CTNNA1: variants seen among roughly 807,000 people sequenced by gnomAD.
The protein encoded by CTNNA1 is catenin alpha-1.
A neutral mutation model predicts 98.4 loss-of-function variants in CTNNA1; 37 were observed. That is an observed-to-expected ratio of 0.38 (90% CI 0.29 to 0.49). The LOEUF (loss-of-function observed/expected upper bound fraction) is 0.49, where lower values mean the gene tolerates loss of function less well. Among genes scored for constraint, CTNNA1 ranks in the 20% least tolerant of loss-of-function variants. CTNNA1 has a pLI of 0.95. For synonymous variants in CTNNA1, 404 were observed against 413.2 expected (o/e 0.98, Z 0.27); for missense variants, 761 against 1,147.2 (o/e 0.66, Z 4.86).
intron 7 of CTNNA1, among the ~76,000 whole-genome samples, chr5:138,847,460 A>T (rs1473137625): frequency 6.6e-6 from 1 of 152,160 alleles, no homozygotes; most frequent in African/African-American, 2.4e-5. Flanking sequence ...TGGCAGGCCG[A>T]TGTCATAATT....
chr5:138,824,880 G>C, intron 6 of CTNNA1, 81 bp downstream of exon 6: 1 of 1,328,642 alleles, frequency 7.5e-7, no homozygotes, highest in African/African-American at 1.5e-5. Flanking sequence ...AGTGATCAAG[G>C]CTTCTGATGA....
At chr5:138,900,240 GGGGCACA>G (rs1193994360) in intron 9 of CTNNA1, among the ~76,000 whole-genome samples, 1 of 152,178 alleles carries the variant, frequency 6.6e-6, no homozygotes, top group African/African-American at 2.4e-5. Flanking sequence ...GCTTGGCCCA[GGGGCACA>G]GGGGAAGAGA....
chr5:138,883,618 C>T (rs888526565), intron 7 of CTNNA1, among the ~76,000 whole-genome samples: 8 of 152,112 alleles, frequency 5.3e-5, no homozygotes, highest in African/African-American at 1.7e-4. Flanking sequence ...AATTCCTGGG[C>T]ATTTCAGGTT....
At chr5:138,756,211 G>A (rs1029770385) in intron 1 of CTNNA1, among the ~76,000 whole-genome samples, 15 of 151,504 alleles carry the variant, frequency 9.9e-5, no homozygotes, top group African/African-American at 3.6e-4. Flanking sequence ...TAATTTTTTT[G>A]TATTTTTGAT....
intron 10 of CTNNA1, among the ~76,000 whole-genome samples, chr5:138,907,258 G>A (rs1338660326): frequency 6.6e-6 from 1 of 152,220 alleles, no homozygotes; most frequent in Non-Finnish European, 1.5e-5. Context: ...CTGGCCTCAA[G>A]TGATGCCTGC....
intron 6 of CTNNA1, among the ~76,000 whole-genome samples, chr5:138,825,663 C>T (rs1760641619): frequency 6.6e-6 from 1 of 151,066 alleles, no homozygotes; most frequent in Admixed American, 6.6e-5. Context: ...TAAGTTTTTC[C>T]TTGCCTTTAC....
Position 138,924,638 on chromosome 5 carries a change from G to A in CTNNA1, c.1675G>A (p.Glu559Lys). Residue 559 changes from glutamate (E) to lysine (K), a missense_variant, in exon 12 of 18, where the codon GAG becomes AAG. This residue lies in a region of CTNNA1 where 287 missense variants were observed against 436.0 expected (regional missense o/e 0.66). Coordinates refer to ENST00000302763, the MANE Select transcript of CTNNA1 (RefSeq NM_001903.5). ...AARVIHVVTSEMDNYEPGVYT... is the reference protein window; with the variant it reads ...AARVIHVVTSKMDNYEPGVYT... ...CCGGGTCATTCACGTAGTCACCTCA[G>A]AGATGGACAACTATGAGCCAGGAGT... 2 of 1,612,262 alleles carry A rather than the reference G, an allele frequency of 1.2e-6. No individual in the cohort carries two copies. The highest frequency in any genetic ancestry group is 1.7e-6 in the Non-Finnish European group (2 of 1,179,238).
intron 3 of CTNNA1, among the ~76,000 whole-genome samples, chr5:138,787,291 G>A (rs1192163721): frequency 6.6e-5 from 10 of 152,168 alleles, no homozygotes; most frequent in South Asian, 2.1e-4. Context: ...TTAGCCGGGC[G>A]TGTTGGTGGG....
chr5:138,905,309 G>C (rs1403755857), intron 10 of CTNNA1, among the ~76,000 whole-genome samples: 2 of 152,052 alleles, frequency 1.3e-5, no homozygotes, highest in Admixed American at 6.6e-5. Context: ...AGGAAGGTAT[G>C]GTGCCTTCCA....
At chr5:138,808,147 T>C (rs933037291) in intron 3 of CTNNA1, among the ~76,000 whole-genome samples, 1 of 152,196 alleles carries the variant, frequency 6.6e-6, no homozygotes. Flanking sequence ...TCAGCGTATT[T>C]CCAGAGCACC....
chr5:138,928,465 C>A (rs910060804), intron 13 of CTNNA1, among the ~76,000 whole-genome samples: 1 of 152,146 alleles, frequency 6.6e-6, no homozygotes, highest in Non-Finnish European at 1.5e-5. Context: ...GCCTTGGTAC[C>A]CTAACAGAAG....
intron 10 of CTNNA1, among the ~76,000 whole-genome samples, chr5:138,910,091 T>C (rs1760217185): frequency 6.6e-6 from 1 of 152,156 alleles, no homozygotes; most frequent in Non-Finnish European, 1.5e-5. Flanking sequence ...ATCTCTACCC[T>C]TCTGTGCCTC....
intron 5 of CTNNA1, among the ~76,000 whole-genome samples, chr5:138,821,080 G>T (rs756871382): frequency 6.6e-6 from 1 of 152,212 alleles, no homozygotes; most frequent in Non-Finnish European, 1.5e-5. Context: ...CCACTTTGCT[G>T]TACTGGAATT....
intron 1 of CTNNA1, among the ~76,000 whole-genome samples, chr5:138,768,701 C>T (rs1056822962): frequency 6.6e-6 from 1 of 151,660 alleles, no homozygotes; most frequent in Admixed American, 6.6e-5. Flanking sequence ...TGAGCCTTCC[C>T]AGTAGCTGGG....
chr5:138,792,707 A>G (rs1230606196), intron 3 of CTNNA1, among the ~76,000 whole-genome samples: 1 of 152,208 alleles, frequency 6.6e-6, no homozygotes, highest in African/African-American at 2.4e-5. Flanking sequence ...TTAATTTTTC[A>G]CAAGAGAAAA....
chr5:138,768,824 G>C (rs1224721426), intron 1 of CTNNA1, among the ~76,000 whole-genome samples: 1 of 152,022 alleles, frequency 6.6e-6, no homozygotes, highest in Non-Finnish European at 1.5e-5. Flanking sequence ...TGGTTAAGTA[G>C]CATCTTCCAG....
At chr5:138,827,755 A>G in intron 7 of CTNNA1, 37 bp downstream of exon 7, 2 of 1,609,970 alleles carry the variant, frequency 1.2e-6, no homozygotes, top group East Asian at 2.2e-5. Context: ...TAAGATATTT[A>G]TGGATGAGGA....
chr5:138,883,823 T>A (rs754397477), intron 7 of CTNNA1, among the ~76,000 whole-genome samples: 1 of 152,234 alleles, frequency 6.6e-6, no homozygotes, highest in Non-Finnish European at 1.5e-5. Context: ...GCTGAGACTT[T>A]CCTGATTAAA....
At chr5:138,923,099 A>G (rs1017592713) in intron 11 of CTNNA1, among the ~76,000 whole-genome samples, 5 of 152,194 alleles carry the variant, frequency 3.3e-5, no homozygotes, top group Admixed American at 1.3e-4. Context: ...TTTGCTATCA[A>G]CATGATTTCT....
Sources: allele counts gnomAD v4.1 joint callset (sites outside exome capture counted in the v4.1 genomes callset), GRCh38; gene constraint gnomAD v4.1.1; regional missense constraint gnomAD v4.1.1; transcripts MANE v1.5; gene names NCBI Gene and HGNC (gene_info 2026-07-23, HGNC 2026-07-21).